Variants in MAML2 observed in about 807,000 individuals in gnomAD.
MAML2 encodes the protein mastermind-like protein 2.
In MAML2, 22 loss-of-function variants were observed where a neutral mutation model predicts 96.1. The ratio of observed to expected loss-of-function variants is 0.23; its 90% CI spans 0.16 to 0.33. The LOEUF (loss-of-function observed/expected upper bound fraction) is 0.33, where lower values mean the gene tolerates loss of function less well. Ranked by LOEUF, MAML2 falls within the 10% of genes least tolerant of loss-of-function variation. MAML2 has a pLI of 1.00. For synonymous variants in MAML2, 561 were observed against 521.3 expected (o/e 1.08, Z -1.04); for missense variants, 1,367 against 1,392.4 (o/e 0.98, Z 0.29).
In MAML2 at chr11:96,342,145, AC is replaced by A; in HGVS notation, c.-251del. The A allele has an allele frequency of 2.0e-6, 1 of 506,690 alleles. No individual in the cohort carries two copies. Among genetic ancestry groups the A allele is most frequent in the Non-Finnish European group, 3.5e-6 (1 of 287,380 alleles). 31.4% of individuals were successfully genotyped at this position (506,690 alleles called of 1,614,324 possible). On this transcript the variant is annotated 5_prime_UTR_variant, in exon 1 of 5. It removes the in-frame stop codon of an upstream open reading frame in the 5' UTR. Coordinates refer to ENST00000524717, the MANE Select transcript of MAML2 (RefSeq NM_032427.4). The stretch of plus-strand genomic sequence containing the variant: ...GTTGGAAACAAACCCTGATTAACTT[AC>A]TCTAATTGCATTTGACAGCTCTGGA...
chr11:96,199,219 A>G (rs913847866), intron 1 of MAML2, among the ~76,000 whole-genome samples: 2 of 147,832 alleles, frequency 1.4e-5, no homozygotes, highest in African/African-American at 5.0e-5. Context: ...AAAAAAAAAA[A>G]AAAGAGAGGG....
intron 2 of MAML2, among the ~76,000 whole-genome samples, chr11:96,018,508 GAAGAAGA>G (rs1858388870): frequency 6.6e-6 from 1 of 152,354 alleles, no homozygotes; most frequent in East Asian, 1.9e-4. Flanking sequence ...TCTGGTATAT[GAAGAAGA>G]AACTAGCAAA....
In MAML2 at chr11:95,979,116, G is replaced by A; in HGVS notation, c.3303C>T (p.Asp1101=). The A allele has an allele frequency of 6.2e-7, 1 of 1,614,030 alleles. No individual in the cohort carries two copies. The highest frequency in any genetic ancestry group is 8.5e-7 in the Non-Finnish European group (1 of 1,179,894). ...AGTCAAAAGCTAAGTCACTGCTGTG[G>A]TCAGTTCCTTGAAAAGCCCTGGAAC... The part of the protein sequence containing the change: ...NQSSRAFQGT[D]HSSDLAFDFL... Residue 1101 remains aspartate (D), a synonymous_variant, in exon 5 of 5, where the codon GAC becomes GAT. Coordinates refer to ENST00000524717, the MANE Select transcript of MAML2 (RefSeq NM_032427.4).
intron 2 of MAML2, among the ~76,000 whole-genome samples, chr11:96,078,714 G>C (rs1471836201): frequency 6.6e-6 from 1 of 152,246 alleles, no homozygotes; most frequent in Non-Finnish European, 1.5e-5. Flanking sequence ...AAAGCAATCA[G>C]AGGGCTTCAG....
intron 1 of MAML2, among the ~76,000 whole-genome samples, chr11:96,320,597 G>A (rs756553087): frequency 6.6e-6 from 1 of 152,116 alleles, no homozygotes; most frequent in Non-Finnish European, 1.5e-5. Context: ...CTGGTATAGA[G>A]GCATTCTCTT....
chr11:95,978,639 G>T lies in MAML2; in HGVS notation c.*309C>A, dbSNP rs1857684257. On this transcript the variant is annotated 3_prime_UTR_variant, in exon 5 of 5. Coordinates refer to ENST00000524717, the MANE Select transcript of MAML2 (RefSeq NM_032427.4). ...ACCTTTTTTATTTTCCAGGGAAAAA[G>T]AAACTTGGGAAGGCTATTTTACACA... 3.3e-6 allele frequency: 1 copy of T among 299,468 alleles called. No individual in the cohort carries two copies. The highest frequency in any genetic ancestry group is 2.1e-5 in the African/African-American group (1 of 46,722). The allele number at this position is 299,468 out of a possible 1,614,324, so 18.6% of individuals were successfully genotyped here. A position where few individuals can be genotyped will look rare whatever the true frequency, so the allele number is the denominator to read the frequency against.
chr11:96,206,898 A>C (rs1861903580), intron 1 of MAML2, among the ~76,000 whole-genome samples: 1 of 152,140 alleles, frequency 6.6e-6, no homozygotes, highest in African/African-American at 2.4e-5. Flanking sequence ...GAATCTTTTA[A>C]AAATATCATG....
rs1309317505 is a variant in MAML2, at chr11:96,058,750, A to G, written c.2139+33142T>C. The stretch of plus-strand genomic sequence containing the variant: ...TGCCTGCCAGAATATTTCCTGTTCC[A>G]TGAGTTATAGTCCAACAATCCCAGC... On this transcript the variant is annotated intron_variant, in intron 2 of 4. Coordinates refer to ENST00000524717, the MANE Select transcript of MAML2 (RefSeq NM_032427.4). Among the ~76,000 whole-genome samples the G allele has an allele frequency of 2.6e-5, 4 of 152,302 alleles. No individual in the cohort carries two copies. The East Asian group carries it at 5.8e-4, about 22-fold the overall frequency.
intron 1 of MAML2, among the ~76,000 whole-genome samples, chr11:96,215,631 G>A (rs566351407): frequency 2.6e-5 from 4 of 151,982 alleles, no homozygotes; most frequent in South Asian, 2.1e-4. Context: ...GCAGTTCACC[G>A]GTTAATTAAG....
At chr11:96,063,256 G>A (rs1859195790) in intron 2 of MAML2, among the ~76,000 whole-genome samples, 1 of 151,896 alleles carries the variant, frequency 6.6e-6, no homozygotes, top group African/African-American at 2.4e-5. Context: ...TAACCTCAGA[G>A]TTATGCATCT....
chr11:96,311,347 A>G (rs1375375752), intron 1 of MAML2, among the ~76,000 whole-genome samples: 1 of 152,262 alleles, frequency 6.6e-6, no homozygotes, highest in Non-Finnish European at 1.5e-5. Flanking sequence ...ATAAGCCATT[A>G]GGAATCCTTA....
chr11:96,068,438 T>TCACACACACACACACACACACA (rs10522513), intron 2 of MAML2, among the ~76,000 whole-genome samples: 1,508 of 120,312 alleles, frequency 0.013, 37 homozygotes, highest in East Asian at 0.019. Flanking sequence ...GGAGCTTACT[T>TCACACACACACACACACACACA]CACACACACA....
chr11:96,083,157 C>T (rs1464856938), intron 2 of MAML2, among the ~76,000 whole-genome samples: 2 of 152,130 alleles, frequency 1.3e-5, no homozygotes, highest in Admixed American at 1.3e-4. Flanking sequence ...AGGAGCTGCC[C>T]CCCTCCAGTG....
intron 1 of MAML2, among the ~76,000 whole-genome samples, chr11:96,257,509 A>G (rs561876903): frequency 6.6e-6 from 1 of 152,262 alleles, no homozygotes; most frequent in East Asian, 1.9e-4. Flanking sequence ...TCTTTGATAC[A>G]TGACTTGGAA....
intron 1 of MAML2, among the ~76,000 whole-genome samples, chr11:96,210,447 G>T (rs527992): frequency 0.84 from 127,453 of 152,216 alleles, 53,781 homozygotes; most frequent in African/African-American, 0.93. Flanking sequence ...ACAGTTTATA[G>T]AAATTTACCA....
intron 1 of MAML2, among the ~76,000 whole-genome samples, chr11:96,225,917 A>G (rs1302910788): frequency 6.6e-6 from 1 of 152,314 alleles, no homozygotes; most frequent in East Asian, 1.9e-4. Flanking sequence ...TTTTAAATCT[A>G]TGATCATTAA....
rs555316372 is a variant in MAML2 at position 96,092,186 on chromosome 11, T to C, written c.1845A>G (p.Gln615=). ...TTGAACTCTGCTGTTGCTGTTGCTG[T>C]TGCTGTTGCTGCTGCTGCTGCTGTT... ...QQQQQQQQQQ[Q]QQQQQQSSIS... The change falls in exon 2 of 5, where the codon CAA becomes CAG. Residue 615 remains glutamine, a synonymous_variant. Transcript: ENST00000524717. This position sits in a 1 kb window ranked among gnomAD's most constrained non-coding sequence, Gnocchi z 4.1. 8 of 1,539,980 alleles carry C rather than the reference T, an allele frequency of 5.2e-6. No individual in the cohort carries two copies. The highest frequency in any genetic ancestry group is 1.2e-5 in the South Asian group (1 of 82,922).
chr11:96,250,238 G>A (rs1862564640), intron 1 of MAML2, among the ~76,000 whole-genome samples: 1 of 150,940 alleles, frequency 6.6e-6, no homozygotes, highest in African/African-American at 2.4e-5. Context: ...TTAAAAAAAT[G>A]TTTAAAATTT....
At chr11:96,316,034 T>G (rs1863628178) in intron 1 of MAML2, among the ~76,000 whole-genome samples, 1 of 152,200 alleles carries the variant, frequency 6.6e-6, no homozygotes, top group African/African-American at 2.4e-5. Context: ...AAAAACAGAA[T>G]GAGGGGATCT....
Sources: allele counts gnomAD v4.1 joint callset (sites outside exome capture counted in the v4.1 genomes callset), GRCh38; gene constraint gnomAD v4.1.1; non-coding constraint Gnocchi (gnomAD v3.1); transcripts MANE v1.5; gene names NCBI Gene and HGNC (gene_info 2026-07-23, HGNC 2026-07-21).